HOMER2: variants seen among roughly 807,000 people sequenced by gnomAD.
The protein encoded by HOMER2 is homer protein homolog 2.
In HOMER2, 27 loss-of-function variants were observed where a neutral mutation model predicts 47.0. The ratio of observed to expected loss-of-function variants is 0.57; its 90% confidence interval spans 0.42 to 0.79. HOMER2 has a LOEUF of 0.79. Among genes scored for constraint, HOMER2 ranks in the 30% least tolerant of loss-of-function variants. The pLI is 0.00. For missense variants in HOMER2, 443 were observed against 435.0 expected, an observed-to-expected ratio of 1.02 and a Z score of -0.16; for synonymous variants, 161 against 163.8, an observed-to-expected ratio of 0.98 and a Z score of 0.13.
intron 7 of HOMER2, among the ~76,000 whole-genome samples, 182 bp from the exon 8 acceptor site, chr15:82,851,413 C>T (rs574610930): frequency 3.5e-4 from 54 of 152,336 alleles, no homozygotes; most frequent in African/African-American, 1.2e-3. Context: ...GTGTGTCACA[C>T]GCCTTGTCAC....
chr15:82,872,188 T>C (rs2056272486), intron 3 of HOMER2, among the ~76,000 whole-genome samples: 2 of 152,092 alleles, frequency 1.3e-5, no homozygotes, highest in African/African-American at 4.8e-5. Flanking sequence ...ACACCCCCAT[T>C]ACCCCCTCAG....
intron 2 of HOMER2, among the ~76,000 whole-genome samples, chr15:82,881,982 G>A (rs2052535592): frequency 6.6e-6 from 1 of 152,250 alleles, no homozygotes; most frequent in Non-Finnish European, 1.5e-5. Context: ...TCTGGAAAGA[G>A]TGCCAACAGC....
intron 2 of HOMER2, among the ~76,000 whole-genome samples, chr15:82,882,329 C>T (rs1185638839): frequency 6.6e-6 from 1 of 152,184 alleles, no homozygotes; most frequent in Non-Finnish European, 1.5e-5. Flanking sequence ...TCCACTCATT[C>T]CCCCACCCCC....
chr15:82,937,743 C>G (rs1354496317), intron 1 of HOMER2, among the ~76,000 whole-genome samples: 2 of 152,216 alleles, frequency 1.3e-5, no homozygotes, highest in African/African-American at 4.8e-5. Flanking sequence ...TCCCCCTCCT[C>G]CCACATGGTG....
At position 82,868,618 on chromosome 15, in the gene HOMER2, G is replaced by A. The variant is rs369508563; in HGVS notation, c.295-4359C>T. ...GGCTGGAGTGCAGTGGTACGATCTT[G>A]GCTCACTGCAACGTCCACCTCCCAG... On this transcript the variant is annotated intron_variant, in intron 3 of 8. Coordinates refer to ENST00000450735, the MANE Select transcript of HOMER2 (RefSeq NM_004839.4). Among the ~76,000 whole-genome samples the A allele has an allele frequency of 6.6e-4, 92 of 140,310 alleles. 2 individuals carry two copies. In the East Asian group the frequency reaches 0.018, roughly 27 times the overall value. 92.0% of individuals were successfully genotyped at this position (140,310 alleles called of 152,430 possible).
rs757406584 is a variant in HOMER2 at position 82,849,908 on chromosome 15, C to A, written c.844-5G>T. 3.5e-5 allele frequency: 57 copies of A among 1,612,932 alleles called. 2 individuals are homozygous for A. In the South Asian group the frequency reaches 5.7e-4, roughly 16 times the overall value. ...TTGATTGTCTCTCTCTGCCGCCTGG[C>A]CAAGCAAAAGGGAGAAGGGTCTAGA... On this transcript the variant is annotated splice_polypyrimidine_tract_variant and splice_region_variant and intron_variant, in intron 8 of 8. Transcript: ENST00000450735.
chr15:82,973,386 A>G (rs2030079558), intron 1 of HOMER2, among the ~76,000 whole-genome samples: 1 of 152,108 alleles, frequency 6.6e-6, no homozygotes, highest in Admixed American at 6.5e-5. Context: ...GTAAGCCTGG[A>G]TTGTAAGAGA....
intron 3 of HOMER2, among the ~76,000 whole-genome samples, chr15:82,873,267 G>T (rs1486724646): frequency 6.6e-6 from 1 of 152,186 alleles, no homozygotes; most frequent in African/African-American, 2.4e-5. Context: ...CCTTATTCCA[G>T]GGGAAGAGTG....
chr15:82,957,275 G>A (rs1197688543), upstream of HOMER2, among the ~76,000 whole-genome samples: 14 of 145,512 alleles, frequency 9.6e-5, no homozygotes, highest in East Asian at 1.1e-3. Context: ...GTGAGACTCC[G>A]TCTCAAAAAA....
chr15:82,945,722 A>G (rs535164830), intron 1 of HOMER2, among the ~76,000 whole-genome samples: 14 of 152,238 alleles, frequency 9.2e-5, no homozygotes, highest in South Asian at 2.1e-4. Context: ...TGTAATCCCA[A>G]CATTTTGGGA....
downstream of HOMER2, among the ~76,000 whole-genome samples, chr15:82,847,957 A>G (rs2051276089): frequency 6.6e-6 from 1 of 152,222 alleles, no homozygotes; most frequent in Non-Finnish European, 1.5e-5. Flanking sequence ...GGCCAGCAGC[A>G]GACTACCCCG....
intron 1 of HOMER2, among the ~76,000 whole-genome samples, chr15:82,928,697 G>A (rs1188731664): frequency 6.6e-6 from 1 of 151,804 alleles, no homozygotes; most frequent in African/African-American, 2.4e-5. Flanking sequence ...TTAAACAACC[G>A]ATTTTTGTAA....
At chr15:82,903,354 TGTA>T (rs2151129543) in intron 1 of HOMER2, among the ~76,000 whole-genome samples, 1 of 152,310 alleles carries the variant, frequency 6.6e-6, no homozygotes, top group East Asian at 1.9e-4. Context: ...GGCTCTCGCC[TGTA>T]ATCTCAACAC....
intron 5 of HOMER2, 131 bp from the exon 6 acceptor site, chr15:82,854,931 T>A: frequency 9.3e-7 from 1 of 1,071,414 alleles, no homozygotes; most frequent in Non-Finnish European, 1.3e-6. Flanking sequence ...CACAGTAAGC[T>A]GGCAGGTGGG....
At chr15:82,945,794 T>C (rs183758032) in intron 1 of HOMER2, among the ~76,000 whole-genome samples, 322 of 151,576 alleles carry the variant, frequency 2.1e-3, no homozygotes, top group African/African-American at 5.0e-3. Context: ...CAAGGTGAAA[T>C]CCCATCTCTA....
chr15:82,912,447 C>T (rs1364080871), intron 1 of HOMER2, among the ~76,000 whole-genome samples: 1 of 151,954 alleles, frequency 6.6e-6, no homozygotes, highest in Non-Finnish European at 1.5e-5. Flanking sequence ...GTATTATAGC[C>T]CACTGTATGG....
chr15:82,899,045 C>T (rs189963268), intron 1 of HOMER2, among the ~76,000 whole-genome samples: 2 of 152,348 alleles, frequency 1.3e-5, no homozygotes, highest in Non-Finnish European at 2.9e-5. Context: ...AGATGGGTCA[C>T]ACTCTGCCTG....
chr15:82,868,849 CTATA>C (rs138651874), intron 3 of HOMER2, among the ~76,000 whole-genome samples: 15 of 147,562 alleles, frequency 1.0e-4, no homozygotes, highest in Admixed American at 1.4e-4. Context: ...CTGCGCTCAG[CTATA>C]TATATATATA....
chr15:82,974,216 C>T (rs1404664652), intron 1 of HOMER2, among the ~76,000 whole-genome samples: 2 of 151,640 alleles, frequency 1.3e-5, no homozygotes, highest in Non-Finnish European at 2.9e-5. Flanking sequence ...ACCAGCATGA[C>T]CAACATGGAG....
Sources: gnomAD v4.1 joint callset for allele counts (sites outside exome capture counted in the v4.1 genomes callset) on GRCh38, gnomAD v4.1.1 for gene constraint, MANE v1.5 for transcripts, NCBI Gene and HGNC (gene_info 2026-07-23, HGNC 2026-07-21) for gene names.